Variants in PCDHA9 observed in about 807,000 individuals in gnomAD.
PCDHA9 encodes protocadherin alpha 9, also known as protocadherin alpha-9.
A neutral mutation model predicts 62.0 loss-of-function variants in PCDHA9; 62 were observed. That is an observed-to-expected ratio of 1.00 (90% CI 0.81 to 1.23). The LOEUF is 1.23. PCDHA9 is among the 50% of genes most tolerant of loss of function. The pLI is 0.00. For synonymous variants in PCDHA9, 557 were observed against 567.6 expected (o/e 0.98, Z 0.27); for missense variants, 1,205 against 1,249.8 (o/e 0.96, Z 0.54).
chr5:140,954,543 A>G (rs1344952646), intron 1 of PCDHA9, among the ~76,000 whole-genome samples: 1 of 151,924 alleles, frequency 6.6e-6, no homozygotes, highest in Non-Finnish European at 1.5e-5. Flanking sequence ...TTTTTTTCAT[A>G]TGTTTGTTGG....
In PCDHA9 at chr5:140,982,523, G is replaced by A; in HGVS notation, c.2502G>A (p.Gly834=). Residue 834 remains glycine (G), a synonymous_variant, in exon 3 of 4, where the codon GGG becomes GGA. Coordinates refer to ENST00000532602, the MANE Select transcript of PCDHA9 (RefSeq NM_031857.2). ...EAGILRAGPG[G]PDQQWPTVSS... ...GCATTCTACGGGCTGGTCCAGGAGGGCCTGATCAGCAGTGGCCAACAGTAT... is the reference window on the plus strand; with the variant it reads ...GCATTCTACGGGCTGGTCCAGGAGGACCTGATCAGCAGTGGCCAACAGTAT... 6.2e-7 allele frequency: 1 copy of A among 1,614,220 alleles called. No individual in the cohort carries two copies. The highest frequency in any genetic ancestry group is 8.5e-7 in the Non-Finnish European group (1 of 1,180,034).
rs1554181482 is a variant in PCDHA9, at chr5:140,884,371, C to G, written c.2394+33482C>G. The stretch of plus-strand genomic sequence containing the variant: ...TGGTGGATGTCAATGTTTACTTGAT[C>G]ATTGCCATCTGCGCGGTGTCCAGCC... On this transcript the variant is annotated intron_variant, in intron 1 of 3. Coordinates refer to ENST00000532602, the MANE Select transcript of PCDHA9 (RefSeq NM_031857.2). 2 of 1,613,948 alleles carry G rather than the reference C, an allele frequency of 1.2e-6. No homozygotes were observed. Among genetic ancestry groups the G allele is most frequent in the African/African-American group, 2.7e-5 (2 of 75,052 alleles).
chr5:140,937,413 TTAGA>T (rs781915768), intron 1 of PCDHA9, among the ~76,000 whole-genome samples: 3 of 152,228 alleles, frequency 2.0e-5, no homozygotes, highest in Non-Finnish European at 2.9e-5. Flanking sequence ...ACAACTTTTA[TTAGA>T]TAGCTGATAT....
intron 1 of PCDHA9, chr5:140,926,750 G>C (rs2083528007): frequency 8.0e-7 from 1 of 1,256,516 alleles, no homozygotes; most frequent in Non-Finnish European, 1.0e-6. Flanking sequence ...AACGTCGGCG[G>C]TCGCTGAGTA....
At chr5:140,990,981 A>G (rs1554251870) in intron 3 of PCDHA9, among the ~76,000 whole-genome samples, 1 of 152,206 alleles carries the variant, frequency 6.6e-6, no homozygotes, top group Non-Finnish European at 1.5e-5. Context: ...AGAAAGGAAG[A>G]CAATAGCTAC....
chr5:140,850,343 C>T lies in PCDHA9; in HGVS notation c.1848C>T (p.Ala616=). Residue 616 remains alanine (A), a synonymous_variant, in exon 1 of 4, where the codon GCC becomes GCT. Coordinates refer to ENST00000532602, the MANE Select transcript of PCDHA9 (RefSeq NM_031857.2). ...CATACGAGCTGCAGCCAGAAACGGC[C>T]AGCGCGAGCATCCCGTTCCGCGTGG... is the stretch of plus-strand genomic sequence containing the variant. ...WLSYELQPET[A]SASIPFRVGL... is the part of the protein sequence containing the mutation. The T allele has an allele frequency of 6.3e-7, 1 of 1,597,790 alleles. No homozygotes were observed.
chr5:140,875,657 G>A (rs1241102848), intron 1 of PCDHA9: 1 of 1,613,738 alleles, frequency 6.2e-7, no homozygotes, highest in South Asian at 1.1e-5. Context: ...CTGGTGCCGC[G>A]CCTGTTCCGG....
intron 1 of PCDHA9, among the ~76,000 whole-genome samples, chr5:140,953,627 T>C (rs1298172951): frequency 6.6e-6 from 1 of 152,178 alleles, no homozygotes; most frequent in Non-Finnish European, 1.5e-5. Context: ...ATTTGCTTTA[T>C]GTATTTTGGC....
intron 1 of PCDHA9, among the ~76,000 whole-genome samples, chr5:140,904,267 A>C (rs2070997540): frequency 6.6e-6 from 1 of 152,016 alleles, no homozygotes; most frequent in South Asian, 2.1e-4. Context: ...CCCACTTATG[A>C]ATGAGAACAT....
chr5:140,968,758 T>C, intron 1 of PCDHA9: 1 of 1,614,150 alleles, frequency 6.2e-7, no homozygotes, highest in South Asian at 1.1e-5. Flanking sequence ...TGGTCCGAGA[T>C]AATGGAGAGC....
At chr5:140,953,408 TG>T (rs782455726) in intron 1 of PCDHA9, among the ~76,000 whole-genome samples, 5 of 152,168 alleles carry the variant, frequency 3.3e-5, no homozygotes, top group Non-Finnish European at 5.9e-5. Context: ...CTGTTGCTCC[TG>T]GCTCCTCCCC....
At chr5:140,947,147 C>A (rs1025959771) in intron 1 of PCDHA9, among the ~76,000 whole-genome samples, 1 of 151,270 alleles carries the variant, frequency 6.6e-6, no homozygotes, top group African/African-American at 2.4e-5. Flanking sequence ...TGTATAGTTA[C>A]TTCCACGGGG....
At chr5:140,859,880 T>C (rs922706728) in intron 1 of PCDHA9, 1 of 152,036 alleles carries the variant, frequency 6.6e-6, no homozygotes, top group Non-Finnish European at 1.5e-5. Context: ...CCCTCTGATA[T>C]TTTGAAAAAA....
At chr5:140,942,876 T>C (rs2093384814) in intron 1 of PCDHA9, among the ~76,000 whole-genome samples, 1 of 152,052 alleles carries the variant, frequency 6.6e-6, no homozygotes, top group Non-Finnish European at 1.5e-5. Context: ...GCATGACAAC[T>C]TTTTTCCTAA....
chr5:140,919,694 ATTAAC>A (rs1313954013), intron 1 of PCDHA9, among the ~76,000 whole-genome samples: 5 of 152,200 alleles, frequency 3.3e-5, no homozygotes, highest in Non-Finnish European at 7.3e-5. Context: ...TCAGATTTAT[ATTAAC>A]TTAATTCTAG....
At chr5:140,899,382 TGA>T (rs2067295037) in intron 1 of PCDHA9, among the ~76,000 whole-genome samples, 1 of 152,198 alleles carries the variant, frequency 6.6e-6, no homozygotes, top group Non-Finnish European at 1.5e-5. Context: ...CCTAATTTAT[TGA>T]GAGTTTTTAG....
intron 1 of PCDHA9, chr5:140,927,289 A>G: frequency 6.2e-7 from 1 of 1,614,172 alleles, no homozygotes; most frequent in Non-Finnish European, 8.5e-7. Flanking sequence ...GCAGCTGCAC[A>G]TCCCCGAGTT....
chr5:140,857,748 C>A (rs782353510), intron 1 of PCDHA9: 1 of 1,597,386 alleles, frequency 6.3e-7, no homozygotes, highest in African/African-American at 1.3e-5. Flanking sequence ...CTGCTGGCGT[C>A]TCCCGCTGGC....
At chr5:140,942,147 T>C (rs2093240437) in intron 1 of PCDHA9, among the ~76,000 whole-genome samples, 1 of 152,236 alleles carries the variant, frequency 6.6e-6, no homozygotes, top group Non-Finnish European at 1.5e-5. Flanking sequence ...TTACTTGACA[T>C]AAAACAGCTT....
Sources: gnomAD v4.1 joint callset for allele counts (sites outside exome capture counted in the v4.1 genomes callset) on GRCh38, gnomAD v4.1.1 for gene constraint, MANE v1.5 for transcripts, NCBI Gene and HGNC (gene_info 2026-07-23, HGNC 2026-07-21) for gene names.